The following CDCA4 variants were observed in gnomAD, a reference collection of about 807,000 sequenced individuals.
The protein encoded by CDCA4 is cell division cycle-associated protein 4.
For missense variants in CDCA4, 294 were observed against 322.1 expected (o/e 0.91, Z 0.67); for synonymous variants, 130 against 137.0 (o/e 0.95, Z 0.36).
intron 1 of CDCA4, among the ~76,000 whole-genome samples, chr14:105,018,802 T>C (rs1411476775): frequency 2.0e-5 from 3 of 151,296 alleles, no homozygotes; most frequent in African/African-American, 7.3e-5. Flanking sequence ...AGTGATGCAA[T>C]CTCAGCTCAC....
intron 1 of CDCA4, among the ~76,000 whole-genome samples, chr14:105,018,519 G>T (rs566418267): frequency 4.6e-4 from 70 of 152,268 alleles, no homozygotes; most frequent in African/African-American, 1.6e-3. Flanking sequence ...GGAGAAGCTG[G>T]CCTGTGAGGA....
intron 1 of CDCA4, among the ~76,000 whole-genome samples, chr14:105,017,664 T>C (rs1230282442): frequency 6.6e-6 from 1 of 152,030 alleles, no homozygotes; most frequent in Non-Finnish European, 1.5e-5. Flanking sequence ...ACCCCATCTC[T>C]ACTAAAAATA....
chr14:105,020,239 G>T (rs751640610), intron 1 of CDCA4, among the ~76,000 whole-genome samples: 1 of 152,204 alleles, frequency 6.6e-6, no homozygotes, highest in Non-Finnish European at 1.5e-5. Context: ...TTGATAAAAC[G>T]TAAGTTTTGT....
At position 105,009,575 on chromosome 14, in the gene CDCA4, T is replaced by C. The variant is rs1019466316; in HGVS notation, c.*1629A>G. On this transcript the variant is annotated 3_prime_UTR_variant, in exon 2 of 2. Transcript: ENST00000336219. ...CAGGCACTACAACTACTACTAATGCTGAACAAATGATGTTTCTAAAAGATA... is the reference window on the plus strand; with the variant it reads ...CAGGCACTACAACTACTACTAATGCCGAACAAATGATGTTTCTAAAAGATA... 1.3e-5 allele frequency: 2 copies of C among 152,226 alleles called. No homozygotes were observed. The highest frequency in any genetic ancestry group is 1.5e-5 in the Non-Finnish European group (1 of 68,048). The allele number at this position is 152,226 out of a possible 1,614,324, so 9.4% of individuals were successfully genotyped here.
intron 1 of CDCA4, among the ~76,000 whole-genome samples, chr14:105,013,507 T>C (rs1900559257): frequency 6.6e-6 from 1 of 152,078 alleles, no homozygotes; most frequent in South Asian, 2.1e-4. Context: ...TTGGAACTTC[T>C]TTTTCTCTTA....
Position 105,020,846 on chromosome 14 carries a change from G to A in CDCA4, c.-7+153C>T, listed in dbSNP as rs186643223. Reference sequence around the variant, plus strand: ...CCAGGAGGGCGGCGAGGGCGCCGCGGCAGCCCCAGCGGTGGTCCCGGGCGC... The same window carrying A: ...CCAGGAGGGCGGCGAGGGCGCCGCGACAGCCCCAGCGGTGGTCCCGGGCGC... On this transcript the variant is annotated intron_variant, in intron 1 of 1. Coordinates refer to ENST00000336219, the MANE Select transcript of CDCA4 (RefSeq NM_017955.4). Among the ~76,000 whole-genome samples, 1,411 of 151,858 alleles carry A rather than the reference G, an allele frequency of 9.3e-3. 19 individuals carry two copies. Among genetic ancestry groups the A allele is most frequent in the African/African-American group, 0.033 (1,357 of 41,490 alleles).
chr14:105,014,825 C>T (rs966034640), intron 1 of CDCA4, among the ~76,000 whole-genome samples: 2 of 152,142 alleles, frequency 1.3e-5, no homozygotes, highest in Non-Finnish European at 2.9e-5. Flanking sequence ...CTCTTTCAAC[C>T]TATCTCAATC....
intron 1 of CDCA4, among the ~76,000 whole-genome samples, chr14:105,019,621 G>C (rs1162024280): frequency 6.6e-6 from 1 of 152,242 alleles, no homozygotes; most frequent in East Asian, 1.9e-4. Flanking sequence ...AAGGTCTGCA[G>C]TCTTGAGTAC....
At chr14:105,020,906 G>A (rs1204423997) in intron 1 of CDCA4, 93 bp downstream of exon 1, 2 of 151,966 alleles carry the variant, frequency 1.3e-5, no homozygotes, top group African/African-American at 4.8e-5. Context: ...AGGAGCCACA[G>A]ACTCCGCGCA....
intron 1 of CDCA4, among the ~76,000 whole-genome samples, chr14:105,014,025 C>T (rs557723049): frequency 2.0e-5 from 3 of 152,326 alleles, no homozygotes; most frequent in African/African-American, 4.8e-5. Context: ...ATACACAGGA[C>T]GGATCCTTCC....
intron 1 of CDCA4, among the ~76,000 whole-genome samples, chr14:105,020,774 T>C (rs2140913318): frequency 6.6e-6 from 1 of 151,030 alleles, no homozygotes. Context: ...GGCCCCTCTG[T>C]TCCCCGGGCC....
intron 1 of CDCA4, among the ~76,000 whole-genome samples, chr14:105,018,225 G>A (rs1322387137): frequency 1.3e-5 from 2 of 150,784 alleles, no homozygotes; most frequent in Admixed American, 6.6e-5. Context: ...AGGGACGAGA[G>A]ATAATCCCCA....
At chr14:105,014,250 C>A (rs3923888) in intron 1 of CDCA4, among the ~76,000 whole-genome samples, 1 of 151,910 alleles carries the variant, frequency 6.6e-6, no homozygotes, top group Non-Finnish European at 1.5e-5. Flanking sequence ...CGCACACATG[C>A]GCCTGCGGCA....
At position 105,011,932 on chromosome 14, in the gene CDCA4, T is replaced by A. The variant is rs1156654200; in HGVS notation, c.-3A>T. 2 of 1,599,964 alleles carry A rather than the reference T, an allele frequency of 1.3e-6. No individual in the cohort carries two copies. Among genetic ancestry groups the A allele is most frequent in the African/African-American group, 2.7e-5 (2 of 74,786 alleles). On this transcript the variant is annotated 5_prime_UTR_variant, in exon 2 of 2. Transcript: ENST00000336219. ...CTCTTCAGTCCTCGTGCAAACATTGTGTCCTGCAGAAACCAAGGAAGACAC... is the reference window on the plus strand; with the variant it reads ...CTCTTCAGTCCTCGTGCAAACATTGAGTCCTGCAGAAACCAAGGAAGACAC...
rs955285772 is a variant in CDCA4 at position 105,010,909 on chromosome 14, G to A, written c.*295C>T. On this transcript the variant is annotated 3_prime_UTR_variant, in exon 2 of 2. Coordinates refer to ENST00000336219, the MANE Select transcript of CDCA4 (RefSeq NM_017955.4). Reference sequence around the variant, plus strand: ...GGTAAAAGGAGGTTGATGCAGCTGCGGCTCACCGTCCTCTACAGTGGGGGA... The same window carrying A: ...GGTAAAAGGAGGTTGATGCAGCTGCAGCTCACCGTCCTCTACAGTGGGGGA... 43 of 413,124 alleles carry A rather than the reference G, an allele frequency of 1.0e-4. No homozygotes were observed. Among genetic ancestry groups the A allele is most frequent in the African/African-American group, 6.7e-4 (33 of 49,210 alleles). The allele number at this position is 413,124 out of a possible 1,614,324, so 25.6% of individuals were successfully genotyped here. A position where few individuals can be genotyped will look rare whatever the true frequency, so the allele number is the denominator to read the frequency against.
intron 1 of CDCA4, among the ~76,000 whole-genome samples, chr14:105,014,847 T>C (rs1001454570): frequency 1.3e-5 from 2 of 152,202 alleles, no homozygotes; most frequent in African/African-American, 2.4e-5. Flanking sequence ...CAAGCCTGCA[T>C]AGCAATGGAT....
At chr14:105,012,693 C>T (rs901998229) in intron 1 of CDCA4, among the ~76,000 whole-genome samples, 4 of 152,222 alleles carry the variant, frequency 2.6e-5, no homozygotes, top group African/African-American at 2.4e-5. Context: ...CTCCCACACC[C>T]GCCCATGCTG....
At chr14:105,012,387 G>A (rs966293845) in intron 1 of CDCA4, among the ~76,000 whole-genome samples, 8 of 152,220 alleles carry the variant, frequency 5.3e-5, no homozygotes, top group African/African-American at 7.2e-5. Context: ...CAGGGCGGGG[G>A]CCGGACAGGG....
intron 1 of CDCA4, among the ~76,000 whole-genome samples, chr14:105,016,505 G>A (rs1406000042): frequency 4.6e-5 from 7 of 152,196 alleles, no homozygotes; most frequent in Admixed American, 4.6e-4. Flanking sequence ...AAGGTGGAAC[G>A]CTCCACCAAC....
Sources: gnomAD v4.1 joint callset for allele counts (sites outside exome capture counted in the v4.1 genomes callset) on GRCh38, gnomAD v4.1.1 for gene constraint, MANE v1.5 for transcripts, NCBI Gene and HGNC (gene_info 2026-07-23, HGNC 2026-07-21) for gene names.